The following DYM variants were observed in gnomAD, a reference collection of about 807,000 sequenced individuals.
DYM encodes the protein dyggve-Melchior-Clausen syndrome protein.
DYM carries 78 observed loss-of-function variants against 93.1 expected under a neutral mutation model. That is an observed-to-expected ratio of 0.84 (90% confidence interval 0.70 to 1.01). DYM has a LOEUF of 1.01. Ranked by LOEUF, DYM falls within the 50% of genes least tolerant of loss-of-function variation. DYM has a pLI of 0.00. For missense variants in DYM, 789 were observed against 845.0 expected (o/e 0.93, Z 0.82); for synonymous variants, 321 against 319.7 (o/e 1.00, Z -0.04).
intron 17 of DYM, among the ~76,000 whole-genome samples, chr18:49,085,299 T>C (rs1238881019): frequency 6.6e-6 from 1 of 152,246 alleles, no homozygotes; most frequent in Non-Finnish European, 1.5e-5. Flanking sequence ...AAGGTGACTT[T>C]AAGTGAACTA....
rs1353916990 is a variant in DYM at position 49,037,961 on chromosome 18, G to C, written c.*6094C>G. ...TGCCTCAGCTTCCCAAGTAGCTGGG[G>C]CTATAGGCACATGCCACCATGCCCA... On this transcript the variant is annotated 3_prime_UTR_variant, in exon 18 of 18. Coordinates refer to ENST00000675505, the MANE Select transcript of DYM (RefSeq NM_001353214.3). Among the ~76,000 whole-genome samples the C allele has an allele frequency of 6.6e-6, 1 of 152,078 alleles. No homozygotes were observed. Among genetic ancestry groups the C allele is most frequent in the African/African-American group, 2.4e-5 (1 of 41,412 alleles).
chr18:49,335,548 T>C (rs2063594376), intron 6 of DYM, among the ~76,000 whole-genome samples: 1 of 152,266 alleles, frequency 6.6e-6, no homozygotes, highest in Admixed American at 6.5e-5. Flanking sequence ...AAACTTGATG[T>C]TTCATGTCAT....
intron 13 of DYM, among the ~76,000 whole-genome samples, chr18:49,244,913 C>G (rs1209404180): frequency 1.3e-5 from 2 of 152,196 alleles, no homozygotes; most frequent in Non-Finnish European, 1.5e-5. Context: ...TTGATAATTA[C>G]TGGGTAACTG....
intron 17 of DYM, among the ~76,000 whole-genome samples, chr18:49,063,559 G>C (rs2076158139): frequency 6.6e-6 from 1 of 150,916 alleles, no homozygotes; most frequent in African/African-American, 2.4e-5. Context: ...TCTAATAGCT[G>C]GGCTGCTAAG....
Position 49,045,823 on chromosome 18 carries a change from C to T in DYM, c.2026-1619G>A, listed in dbSNP as rs190677283. Among the ~76,000 whole-genome samples the T allele has an allele frequency of 1.4e-4, 22 of 152,110 alleles. No homozygotes were observed. The South Asian group carries it at 3.5e-3, about 24-fold the overall frequency. ...GAGGGGGTGGGGGAAGAGCACACAC[C>T]GGGGAGCAGAGGCCAGACTGGGGAG... is the stretch of plus-strand genomic sequence containing the variant. On this transcript the variant is annotated intron_variant, in intron 17 of 17. Coordinates refer to ENST00000675505, the MANE Select transcript of DYM (RefSeq NM_001353214.3).
At chr18:49,165,212 T>TA (rs1474646357) in intron 14 of DYM, among the ~76,000 whole-genome samples, 2 of 152,162 alleles carry the variant, frequency 1.3e-5, no homozygotes, top group Non-Finnish European at 2.9e-5. Context: ...AAAGCCAGTT[T>TA]ACCATGAAAA....
intron 14 of DYM, 34 bp downstream of exon 14, chr18:49,209,517 A>G (rs755491956): frequency 2.4e-6 from 3 of 1,265,520 alleles, no homozygotes; most frequent in Non-Finnish European, 3.1e-6. Flanking sequence ...TACAACATGC[A>G]GCATGCAGTA....
rs550636656 is a variant in DYM at position 49,091,920 on chromosome 18, A to G, written c.2025+5482T>C. Among the ~76,000 whole-genome samples, 6 of 152,144 alleles carry G rather than the reference A, an allele frequency of 3.9e-5. No homozygotes were observed. The East Asian group carries it at 9.7e-4, about 25-fold the overall frequency. On this transcript the variant is annotated intron_variant, in intron 17 of 17. Coordinates refer to ENST00000675505, the MANE Select transcript of DYM (RefSeq NM_001353214.3). ...GAGCCACTGCGCCCAGCCTTGACAC[A>G]TTATTTTTAAAACTCTCTGAGTTAC... is the stretch of plus-strand genomic sequence containing the variant.
At chr18:49,045,294 G>A (rs960950655) in intron 17 of DYM, among the ~76,000 whole-genome samples, 4 of 152,234 alleles carry the variant, frequency 2.6e-5, no homozygotes, top group African/African-American at 9.6e-5. Flanking sequence ...GGCCCATAGG[G>A]CAGAGAGGTT....
intron 17 of DYM, among the ~76,000 whole-genome samples, chr18:49,080,562 C>A (rs9748365): frequency 0.02 from 2,744 of 139,152 alleles, 76 homozygotes; most frequent in African/African-American, 0.07. Context: ...CCCTCACCTC[C>A]CGGACGGGGC....
chr18:49,339,388 A>T (rs990376640), intron 6 of DYM, among the ~76,000 whole-genome samples: 1 of 152,218 alleles, frequency 6.6e-6, no homozygotes, highest in African/African-American at 2.4e-5. Flanking sequence ...ATACAACAAA[A>T]GTGAGAGTTA....
At chr18:49,289,744 T>TATATATATATACAC (rs2059935628) in intron 8 of DYM, among the ~76,000 whole-genome samples, 4 of 34,296 alleles carry the variant, frequency 1.2e-4, no homozygotes. Context: ...TATATATATA[T>TATATATATATACAC]ATATATATAT....
At chr18:49,198,876 G>A (rs2091748484) in intron 14 of DYM, among the ~76,000 whole-genome samples, 1 of 151,552 alleles carries the variant, frequency 6.6e-6, no homozygotes, top group Admixed American at 6.6e-5. Flanking sequence ...TCCCATTACT[G>A]GGTATATACC....
chr18:49,365,991 A>G (rs1164088313), intron 5 of DYM, among the ~76,000 whole-genome samples: 1 of 152,226 alleles, frequency 6.6e-6, no homozygotes, highest in African/African-American at 2.4e-5. Flanking sequence ...AACATATTTC[A>G]TAGAAGTAAA....
At chr18:49,284,025 C>T (rs2095056704) in intron 9 of DYM, among the ~76,000 whole-genome samples, 2 of 151,974 alleles carry the variant, frequency 1.3e-5, no homozygotes, top group African/African-American at 4.8e-5. Flanking sequence ...GAAGTGTTGC[C>T]ATGTGCTGTG....
At chr18:49,047,332 C>T (rs562603038) in intron 17 of DYM, among the ~76,000 whole-genome samples, 16 of 152,312 alleles carry the variant, frequency 1.1e-4, no homozygotes, top group African/African-American at 3.8e-4. Context: ...CCATCATCAG[C>T]GCAGGCTGGA....
chr18:49,287,447 G>T (rs1474862635), intron 8 of DYM, among the ~76,000 whole-genome samples: 3 of 151,778 alleles, frequency 2.0e-5, no homozygotes, highest in Non-Finnish European at 4.4e-5. Context: ...GTCAAACATT[G>T]TAAGTATTCC....
At chr18:49,299,809 T>C (rs1386207277) in intron 8 of DYM, among the ~76,000 whole-genome samples, 1 of 151,888 alleles carries the variant, frequency 6.6e-6, no homozygotes, top group East Asian at 1.9e-4. Context: ...TTTGGGAGGC[T>C]GAGGAGGGCA....
intron 17 of DYM, among the ~76,000 whole-genome samples, chr18:49,065,544 T>C (rs2076325356): frequency 6.6e-6 from 1 of 152,114 alleles, no homozygotes; most frequent in African/African-American, 2.4e-5. Context: ...GTATTTTTAG[T>C]AGAGACAGGG....
Sources: gnomAD v4.1 joint callset for allele counts (sites outside exome capture counted in the v4.1 genomes callset) on GRCh38, gnomAD v4.1.1 for gene constraint, MANE v1.5 for transcripts, NCBI Gene and HGNC (gene_info 2026-07-23, HGNC 2026-07-21) for gene names.